The following SLC6A20 variants were observed in gnomAD, a reference collection of about 807,000 sequenced individuals.
The protein encoded by SLC6A20 is solute carrier family 6 member 20.
Under a neutral mutation model 64.3 loss-of-function variants are expected in SLC6A20, and 73 were observed. That is an observed-to-expected ratio of 1.14 (90% confidence interval 0.94 to 1.38). The LOEUF (loss-of-function observed/expected upper bound fraction) is 1.38, where lower values mean the gene tolerates loss of function less well. SLC6A20 is among the 40% of genes most tolerant of loss of function. The pLI is 0.00. For missense variants in SLC6A20, 725 were observed against 772.8 expected (o/e 0.94, Z 0.73); for synonymous variants, 347 against 329.6 (o/e 1.05, Z -0.57).
chr3:45,767,236 T>C (rs571372470), intron 7 of SLC6A20, among the ~76,000 whole-genome samples: 116 of 152,322 alleles, frequency 7.6e-4, no homozygotes, highest in African/African-American at 2.7e-3. Flanking sequence ...TTCTAAATAG[T>C]GTTAAAATAC....
In SLC6A20 at chr3:45,758,762, T is replaced by C. The variant is rs1699593985; in HGVS notation, c.*216A>G. On this transcript the variant is annotated 3_prime_UTR_variant, in exon 11 of 11. Transcript: ENST00000358525. ...GGCTTTCATAGCCCACCCCCTTCCATGATGAGGAGGCAGGTGACAGGGAGG... is the reference window on the plus strand; with the variant it reads ...GGCTTTCATAGCCCACCCCCTTCCACGATGAGGAGGCAGGTGACAGGGAGG... 6.0e-6 allele frequency: 8 copies of C among 1,325,514 alleles called. No individual in the cohort carries two copies. The highest frequency in any genetic ancestry group is 6.7e-6 in the Non-Finnish European group (7 of 1,039,064). 82.1% of individuals were successfully genotyped at this position (1,325,514 alleles called of 1,614,324 possible). A position where few individuals can be genotyped will look rare whatever the true frequency, so the allele number is the denominator to read the frequency against.
chr3:45,784,089 G>C (rs1700137386), intron 1 of SLC6A20, among the ~76,000 whole-genome samples: 1 of 152,228 alleles, frequency 6.6e-6, no homozygotes, highest in African/African-American at 2.4e-5. Context: ...AGGGACGACT[G>C]TCTCTCTGAC....
Position 45,780,544 on chromosome 3 carries a change from A to G in SLC6A20, c.263-444T>C, listed in dbSNP as rs371420987. 2.0e-5 allele frequency among the ~76,000 whole-genome samples: 3 copies of G among 152,330 alleles called. No individual in the cohort carries two copies. The South Asian group carries it at 6.2e-4, about 32-fold the overall frequency. On this transcript the variant is annotated intron_variant, in intron 2 of 10. Coordinates refer to ENST00000358525, the MANE Select transcript of SLC6A20 (RefSeq NM_020208.4). ...TGCTGTGAAGTGCTACCTTGTCCAGATGTACAGTTATGCTCCCTCCTTGGC... is the reference window on the plus strand; with the variant it reads ...TGCTGTGAAGTGCTACCTTGTCCAGGTGTACAGTTATGCTCCCTCCTTGGC...
chr3:45,770,485 G>A, intron 6 of SLC6A20, 114 bp from the exon 7 acceptor site: 10 of 1,318,914 alleles, frequency 7.6e-6, no homozygotes, highest in South Asian at 1.5e-5. Context: ...CTGTTGCTTG[G>A]TGATCTTTTA....
chr3:45,785,307 G>T (rs1272636916), intron 1 of SLC6A20, among the ~76,000 whole-genome samples: 1 of 152,178 alleles, frequency 6.6e-6, no homozygotes, highest in Non-Finnish European at 1.5e-5. Context: ...GTCTGTGAGG[G>T]TGTTGCCAAA....
intron 1 of SLC6A20, among the ~76,000 whole-genome samples, chr3:45,794,637 T>G (rs1043611428): frequency 1.3e-5 from 2 of 152,106 alleles, no homozygotes; most frequent in African/African-American, 4.8e-5. Flanking sequence ...CCCACATGCA[T>G]CCCTCTGCAG....
chr3:45,791,857 A>T (rs1700258256), intron 1 of SLC6A20: 3 of 152,190 alleles, frequency 2.0e-5, no homozygotes, highest in Admixed American at 2.0e-4. Flanking sequence ...ATCACCTCCC[A>T]CCAGACCCCA....
At position 45,796,310 on chromosome 3, in the gene SLC6A20, A is replaced by C. The variant is rs1700345176; in HGVS notation, c.110T>G (p.Met37Arg). 6.2e-7 allele frequency: 1 copy of C among 1,609,846 alleles called. No homozygotes were observed. The highest frequency in any genetic ancestry group is 1.3e-5 in the African/African-American group (1 of 74,670). ...CGGTGGGCACTCACCTCCGCCGTAC[A>C]TCTGGCACAGGTACGGGAATCGCCA... is the stretch of plus-strand genomic sequence containing the variant. The part of the protein sequence containing the change: ...NVWRFPYLCQ[M>R]YGGGSFLVPY... The change falls in exon 1 of 11, where the codon ATG becomes AGG. Residue 37 changes from methionine to arginine, a missense_variant. Transcript: ENST00000358525.
chr3:45,765,082 G>A lies in SLC6A20; in HGVS notation c.1303+455C>T, dbSNP rs555787773. On this transcript the variant is annotated intron_variant, in intron 8 of 10. Transcript: ENST00000358525. The surrounding 1 kb of genome is among the most constrained non-coding windows in gnomAD (Gnocchi z 4.2). ...ACAAAAATTAGCCAGGTGTCATGGC[G>A]TGCACCTGTAATCCCAGCTACTCGG... Among the ~76,000 whole-genome samples, 2 of 151,776 alleles carry A rather than the reference G, an allele frequency of 1.3e-5. No individual in the cohort carries two copies. The highest frequency in any genetic ancestry group is 4.8e-5 in the African/African-American group (2 of 41,270).
At chr3:45,784,677 A>T (rs1269892966) in intron 1 of SLC6A20, among the ~76,000 whole-genome samples, 1 of 152,230 alleles carries the variant, frequency 6.6e-6, no homozygotes, top group Middle Eastern at 3.2e-3. Context: ...TGTAAAAAAA[A>T]AATGTGAACA....
rs1559575525 is a variant in SLC6A20 at position 45,796,394 on chromosome 3, G to GC, written c.25dup (p.Ala9GlyfsTer34). ...GGCGAACACGAACTGTAGCGAGTTGGCCCACAGCGGCCGCGCTTTCTCCAT... is the reference window on the plus strand; with the variant it reads ...GGCGAACACGAACTGTAGCGAGTTGGCCCCACAGCGGCCGCGCTTTCTCCAT... On this transcript the variant is annotated frameshift_variant, in exon 1 of 11. Coordinates refer to ENST00000358525, the MANE Select transcript of SLC6A20 (RefSeq NM_020208.4). LOFTEE classifies it high-confidence loss of function. 3 of 1,612,032 alleles carry GC rather than the reference G, an allele frequency of 1.9e-6. No individual in the cohort carries two copies. The highest frequency in any genetic ancestry group is 2.5e-6 in the Non-Finnish European group (3 of 1,179,360).
intron 3 of SLC6A20, 96 bp downstream of exon 3, chr3:45,779,913 C>T (rs1168394312): frequency 1.5e-6 from 2 of 1,342,762 alleles, no homozygotes; most frequent in African/African-American, 1.5e-5. Flanking sequence ...CGAGGCTGCT[C>T]ACCTTGCCCC....
intron 7 of SLC6A20, among the ~76,000 whole-genome samples, chr3:45,768,545 TG>T (rs1219974896): frequency 6.6e-6 from 1 of 152,198 alleles, no homozygotes; most frequent in East Asian, 1.9e-4. Context: ...CTGGGGTTTG[TG>T]GGCTGGGGTC....
At chr3:45,767,344 T>C (rs1046960611) in intron 7 of SLC6A20, among the ~76,000 whole-genome samples, 2 of 152,106 alleles carry the variant, frequency 1.3e-5, no homozygotes, top group African/African-American at 2.4e-5. Flanking sequence ...CATGTATCAA[T>C]AAACTATTGG....
At chr3:45,775,306 G>C (rs565220072) in intron 4 of SLC6A20, among the ~76,000 whole-genome samples, 61 of 152,260 alleles carry the variant, frequency 4.0e-4, no homozygotes, top group African/African-American at 1.4e-3. Flanking sequence ...ACACACCCCA[G>C]ACTGGTTACT....
intron 1 of SLC6A20, among the ~76,000 whole-genome samples, chr3:45,784,045 TTAAACAGTAAC>T (rs1390450645): frequency 9.2e-5 from 14 of 152,324 alleles, no homozygotes; most frequent in Non-Finnish European, 1.8e-4. Flanking sequence ...ACGCGGGGTG[TTAAACAGTAAC>T]TATGTAAGGC....
chr3:45,780,329 C>T (rs763052037), intron 2 of SLC6A20, among the ~76,000 whole-genome samples: 5 of 152,352 alleles, frequency 3.3e-5, no homozygotes, highest in Non-Finnish European at 5.9e-5. Context: ...GGACAGGAGG[C>T]TGATGACATG....
At chr3:45,781,961 A>C (rs1329401511) in intron 2 of SLC6A20, 122 bp downstream of exon 2, 107 of 1,306,710 alleles carry the variant, frequency 8.2e-5, no homozygotes, top group South Asian at 9.4e-5. Flanking sequence ...ACCCCAGGCA[A>C]GAGCTCTCTC....
In SLC6A20 at chr3:45,763,081, C is replaced by T. The variant is rs755798880; in HGVS notation, c.1304-9G>A. 1 of 1,613,770 alleles carries T rather than the reference C, an allele frequency of 6.2e-7. No individual in the cohort carries two copies. The highest frequency in any genetic ancestry group is 2.2e-5 in the East Asian group (1 of 44,884). ...GACAAGGCACACCAGACCTGGGGGCCACAAGACCAGCTGCTCACCTGCCCG... is the reference window on the plus strand; with the variant it reads ...GACAAGGCACACCAGACCTGGGGGCTACAAGACCAGCTGCTCACCTGCCCG... On this transcript the variant is annotated splice_polypyrimidine_tract_variant and intron_variant, in intron 8 of 10. Coordinates refer to ENST00000358525, the MANE Select transcript of SLC6A20 (RefSeq NM_020208.4).
Sources: gnomAD v4.1 joint callset for allele counts (sites outside exome capture counted in the v4.1 genomes callset) on GRCh38, gnomAD v4.1.1 for gene constraint, Gnocchi (gnomAD v3.1) non-coding constraint, MANE v1.5 for transcripts, NCBI Gene and HGNC (gene_info 2026-07-23, HGNC 2026-07-21) for gene names.